BIRC6: variants seen among roughly 807,000 people sequenced by gnomAD.
BIRC6 encodes the protein dual E2 ubiquitin-conjugating enzyme/E3 ubiquitin-protein ligase BIRC6.
A neutral mutation model predicts 503.3 loss-of-function variants in BIRC6; 98 were observed. That is an observed-to-expected ratio of 0.19 (90% confidence interval 0.17 to 0.23). BIRC6 has a LOEUF of 0.23. Among genes scored for constraint, BIRC6 ranks in the 10% least tolerant of loss-of-function variants. BIRC6 has a pLI of 1.00. For missense variants in BIRC6, 5,360 were observed against 5,806.0 expected (o/e 0.92, Z 2.50); for synonymous variants, 2,240 against 2,078.7 (o/e 1.08, Z -2.11).
At chr2:32,406,466 A>C in intron 8 of BIRC6, 33 bp from the exon 9 acceptor site, 1 of 1,539,772 alleles carries the variant, frequency 6.5e-7, no homozygotes, top group Admixed American at 1.8e-5. Flanking sequence ...TTTTTTTGAA[A>C]TTCAAATTGT....
chr2:32,506,496 A>G (rs192667742), intron 50 of BIRC6, among the ~76,000 whole-genome samples: 71 of 152,382 alleles, frequency 4.7e-4, no homozygotes, highest in Admixed American at 1.9e-3. Flanking sequence ...ATATAAGTCA[A>G]TGTAAGACTT....
At position 32,397,672 on chromosome 2, in the gene BIRC6, ATACACACACACATATATATG is replaced by A. The variant is rs976962920; in HGVS notation, c.1034+2092_1034+2111del. Among the ~76,000 whole-genome samples, 6 of 133,072 alleles carry A rather than the reference ATACACACACACATATATATG, an allele frequency of 4.5e-5. No individual in the cohort carries two copies. The South Asian group carries it at 1.4e-3, about 31-fold the overall frequency. 87.3% of individuals were successfully genotyped at this position (133,072 alleles called of 152,430 possible). A position where few individuals can be genotyped will look rare whatever the true frequency, so the allele number is the denominator to read the frequency against. ...CACACACATATATGTGTATATATATATACACACACACATATATATGTACACACACACACACACACACATAT... is the reference window on the plus strand; with the variant it reads ...CACACACATATATGTGTATATATATATACACACACACACACACACACATAT... On this transcript the variant is annotated intron_variant, in intron 6 of 73. Coordinates refer to ENST00000421745, the MANE Select transcript of BIRC6 (RefSeq NM_016252.4).
chr2:32,358,049 T>A (rs992695619), intron 1 of BIRC6, among the ~76,000 whole-genome samples: 1 of 6,810 alleles, frequency 1.5e-4, no homozygotes, highest in Admixed American at 1.8e-3. Context: ...GGGGTGGGGG[T>A]GGGGTGGGTC....
chr2:32,532,282 G>C (rs72800834), intron 61 of BIRC6: 35,611 of 488,946 alleles, frequency 0.073, 1,646 homozygotes, highest in Non-Finnish European at 0.094. Flanking sequence ...CAATAGTTGA[G>C]GAGGCTGTAA....
In BIRC6 at chr2:32,485,758, A is replaced by G. The variant is rs562860018; in HGVS notation, c.7812A>G (p.Thr2604=). 3 of 1,576,730 alleles carry G rather than the reference A, an allele frequency of 1.9e-6. No homozygotes were observed. The highest frequency in any genetic ancestry group is 2.2e-5 in the South Asian group (2 of 90,026). The change falls in exon 40 of 74, where the codon ACA becomes ACG. Residue 2604 remains threonine, a splice_region_variant and synonymous_variant. Transcript: ENST00000421745. The part of the protein sequence containing the change: ...ILQALTNTSP[T]LSQSPTGTDD... ...AGGCATTAACAAATACATCTCCTAC[A>G]TGTAAGTAAAATGACCATTTTTAGA...
At chr2:32,393,250 T>A (rs961230414) in intron 5 of BIRC6, among the ~76,000 whole-genome samples, 1 of 151,896 alleles carries the variant, frequency 6.6e-6, no homozygotes, top group Non-Finnish European at 1.5e-5. Context: ...AGAAAAACAG[T>A]CATAGTTTTG....
intron 1 of BIRC6, among the ~76,000 whole-genome samples, chr2:32,359,148 T>A (rs1297538355): frequency 1.3e-5 from 2 of 152,228 alleles, no homozygotes; most frequent in Non-Finnish European, 2.9e-5. Context: ...TAATTTGATT[T>A]TATCCTTTTC....
rs375773650 is a variant in BIRC6 at position 32,477,595 on chromosome 2, A to G, written c.7068+12A>G. 3.0e-5 allele frequency: 48 copies of G among 1,608,022 alleles called. No individual in the cohort carries two copies. Among genetic ancestry groups the G allele is most frequent in the East Asian group, 1.8e-4 (8 of 44,812 alleles). On this transcript the variant is annotated intron_variant, in intron 35 of 73. Coordinates refer to ENST00000421745, the MANE Select transcript of BIRC6 (RefSeq NM_016252.4). ...TGTTTGTTTGTAAGGTATGTAAACT[A>G]TAAGTGTAGACTTACAGGGTTGGCC... is the stretch of plus-strand genomic sequence containing the variant.
rs1166776030 is a variant in BIRC6, at chr2:32,380,136, T to A, written c.508-17T>A. 8 of 1,464,226 alleles carry A rather than the reference T, an allele frequency of 5.5e-6. No homozygotes were observed. Among genetic ancestry groups the A allele is most frequent in the Non-Finnish European group, 7.2e-6 (8 of 1,105,860 alleles). 90.7% of individuals were successfully genotyped at this position (1,464,226 alleles called of 1,614,324 possible). A position where few individuals can be genotyped will look rare whatever the true frequency, so the allele number is the denominator to read the frequency against. On this transcript the variant is annotated splice_polypyrimidine_tract_variant and intron_variant, in intron 2 of 73. Transcript: ENST00000421745. The stretch of plus-strand genomic sequence containing the variant: ...TTGAATTTTCTGTGATTTTTTTATT[T>A]TTTATTTTTTATTTAGGCACAGCAG...
At chr2:32,604,860 T>A (rs1238933324) in intron 71 of BIRC6, among the ~76,000 whole-genome samples, 2 of 140,790 alleles carry the variant, frequency 1.4e-5, no homozygotes, top group African/African-American at 5.7e-5. Context: ...AATAGTTATT[T>A]TTTTCTTTTT....
At chr2:32,571,118 T>A (rs1024820809) in intron 65 of BIRC6, among the ~76,000 whole-genome samples, 2 of 152,098 alleles carry the variant, frequency 1.3e-5, no homozygotes, top group African/African-American at 4.8e-5. Flanking sequence ...TATTGTATTA[T>A]CTTTTTGATG....
intron 71 of BIRC6, among the ~76,000 whole-genome samples, chr2:32,604,197 G>C (rs770334069): frequency 1.8e-4 from 28 of 152,054 alleles, no homozygotes; most frequent in Non-Finnish European, 3.7e-4. Context: ...TGAAAATATA[G>C]GTTCTAAATG....
chr2:32,366,819 CA>C (rs773678020), intron 1 of BIRC6, among the ~76,000 whole-genome samples: 1,441 of 125,450 alleles, frequency 0.011, 9 homozygotes, highest in Middle Eastern at 0.025. Flanking sequence ...CCCGTCTCTA[CA>C]AAAAAAAAAA....
chr2:32,611,380 T>C (rs752045604), intron 72 of BIRC6, 68 bp from the exon 73 acceptor site: 3 of 1,280,862 alleles, frequency 2.3e-6, no homozygotes, highest in Non-Finnish European at 3.1e-6. Flanking sequence ...TTCTTTGTAA[T>C]GTCATTTACT....
chr2:32,399,758 A>G lies in BIRC6; in HGVS notation c.1035-1405A>G, dbSNP rs2040394287. Among the ~76,000 whole-genome samples the G allele has an allele frequency of 2.6e-5, 4 of 151,796 alleles. 1 individual carries two copies. The South Asian group carries it at 6.2e-4, about 24-fold the overall frequency. ...ACCAGTCTTGATATGAGGTCCTAGT[A>G]TTTTATTTTTATATTTTAATTTAAA... On this transcript the variant is annotated intron_variant, in intron 6 of 73. Transcript: ENST00000421745.
chr2:32,468,155 T>A, intron 28 of BIRC6, 44 bp downstream of exon 28: 1 of 1,552,414 alleles, frequency 6.4e-7, no homozygotes, highest in South Asian at 1.2e-5. Flanking sequence ...AACTTTGTAT[T>A]TTATATAATG....
intron 57 of BIRC6, chr2:32,523,406 G>A (rs546002204): frequency 2.0e-5 from 3 of 152,060 alleles, no homozygotes; most frequent in Non-Finnish European, 2.9e-5. Flanking sequence ...TTCTTTGTGT[G>A]CTTTTCTTAC....
At chr2:32,603,984 T>C (rs1243216190) in intron 71 of BIRC6, among the ~76,000 whole-genome samples, 1 of 152,036 alleles carries the variant, frequency 6.6e-6, no homozygotes, top group East Asian at 1.9e-4. Context: ...AAATAAATAC[T>C]ACTTTTTGGT....
chr2:32,540,959 T>A (rs2057619644), intron 61 of BIRC6, among the ~76,000 whole-genome samples: 1 of 152,104 alleles, frequency 6.6e-6, no homozygotes, highest in Admixed American at 6.5e-5. Context: ...ATAGTGGTTT[T>A]AATTTGCTCT....
Sources: allele counts gnomAD v4.1 joint callset (sites outside exome capture counted in the v4.1 genomes callset), GRCh38; gene constraint gnomAD v4.1.1; transcripts MANE v1.5; gene names NCBI Gene and HGNC (gene_info 2026-07-23, HGNC 2026-07-21).